The following AVEN variants were observed in gnomAD, a reference collection of about 807,000 sequenced individuals.
AVEN encodes the protein apoptosis and caspase activation inhibitor, also known as cell death regulator Aven.
AVEN carries 41 observed loss-of-function variants against 38.1 expected under a neutral mutation model. The ratio of observed to expected loss-of-function variants is 1.08; its 90% CI spans 0.84 to 1.40. The LOEUF is 1.40. Among genes scored for constraint, AVEN ranks in the 40% most tolerant of loss-of-function variants. The pLI is 0.00. For synonymous variants in AVEN, 206 were observed against 171.8 expected (o/e 1.20, Z -1.56); for missense variants, 605 against 438.8 (o/e 1.38, Z -3.38).
intron 2 of AVEN, chr15:33,991,444 C>T (rs1234454522): frequency 6.6e-6 from 1 of 151,768 alleles, no homozygotes; most frequent in African/African-American, 2.4e-5. Context: ...CATACCTGTA[C>T]CAAAATATCT....
At chr15:33,854,336 A>G, downstream of AVEN, 2 of 1,449,078 alleles carry the variant, frequency 1.4e-6, no homozygotes, top group Middle Eastern at 1.7e-4. Context: ...CTTATTGAGC[A>G]CTTAACTACC....
At chr15:33,855,540 T>G (rs2079562858), downstream of AVEN, among the ~76,000 whole-genome samples, 1 of 152,132 alleles carries the variant, frequency 6.6e-6, no homozygotes, top group African/African-American at 2.4e-5. Flanking sequence ...CCTCCATGAA[T>G]CTGATATATT....
intron 11 of AVEN, chr15:33,860,986 T>TCATTATCCTTCAA: frequency 9.6e-7 from 1 of 1,039,520 alleles, no homozygotes; most frequent in Non-Finnish European, 1.5e-6. Context: ...AAGAAAGTTT[T>TCATTATCCTTCAA]CATTATCCTT....
chr15:33,958,221 TCTC>T (rs998652733), intron 2 of AVEN, among the ~76,000 whole-genome samples: 1 of 152,184 alleles, frequency 6.6e-6, no homozygotes, highest in African/African-American at 2.4e-5. Context: ...AAATCTGTCT[TCTC>T]CTCCTGTTTT....
chr15:34,071,566 G>A (rs1368445833), intron 1 of AVEN, among the ~76,000 whole-genome samples: 2 of 152,132 alleles, frequency 1.3e-5, no homozygotes, highest in African/African-American at 2.4e-5. Context: ...GTGAGGCACC[G>A]TGTCCAGCCA....
chr15:33,974,606 A>G (rs957617055), intron 2 of AVEN, among the ~76,000 whole-genome samples: 6 of 152,230 alleles, frequency 3.9e-5, no homozygotes, highest in African/African-American at 1.4e-4. Context: ...GAAGATGCTC[A>G]GGGTACATGA....
chr15:34,064,350 C>T (rs778577826), intron 4 of AVEN: 8 of 1,576,886 alleles, frequency 5.1e-6, no homozygotes, highest in Non-Finnish European at 6.9e-6. Context: ...GAACAATGAC[C>T]ACAGTCAACA....
chr15:33,932,549 G>A (rs1332793940), intron 2 of AVEN, among the ~76,000 whole-genome samples: 1 of 152,224 alleles, frequency 6.6e-6, no homozygotes. Context: ...GGTCTGGGCT[G>A]GGCGCGGTGG....
At chr15:33,971,844 T>C (rs2140497349) in intron 2 of AVEN, among the ~76,000 whole-genome samples, 1 of 152,246 alleles carries the variant, frequency 6.6e-6, no homozygotes, top group East Asian at 1.9e-4. Context: ...AATAAGGATG[T>C]AGTTCACCAT....
intron 5 of AVEN, among the ~76,000 whole-genome samples, chr15:34,049,322 G>A (rs1449413006): frequency 1.3e-5 from 2 of 152,152 alleles, no homozygotes; most frequent in East Asian, 3.9e-4. Context: ...AACAATGCAG[G>A]AGCTGACAGC....
chr15:34,034,881 T>C (rs1312629629), intron 1 of AVEN, among the ~76,000 whole-genome samples: 1 of 152,190 alleles, frequency 6.6e-6, no homozygotes, highest in Non-Finnish European at 1.5e-5. Flanking sequence ...TGCTTCAGGC[T>C]TTCTGGAAAA....
intron 2 of AVEN, among the ~76,000 whole-genome samples, chr15:33,990,054 A>G (rs1369887184): frequency 1.3e-5 from 2 of 151,812 alleles, no homozygotes; most frequent in Non-Finnish European, 2.9e-5. Flanking sequence ...AATACACAAA[A>G]TTAGCCGGGC....
Position 33,920,513 on chromosome 15 carries a change from A to G in AVEN, c.446-44518T>C, listed in dbSNP as rs185259346. Among the ~76,000 whole-genome samples the G allele has an allele frequency of 8.5e-5, 13 of 152,322 alleles. No individual in the cohort carries two copies. The South Asian group carries it at 2.5e-3, about 29-fold the overall frequency. ...CGGTATTCCTTTTGATAGCAGTCTC[A>G]TTCCTAAATCTGACTTATATCTTAA... On this transcript the variant is annotated intron_variant, in intron 2 of 5. Coordinates refer to ENST00000306730, the MANE Select transcript of AVEN (RefSeq NM_020371.3).
Position 34,064,452 on chromosome 15 carries a change from A to G in AVEN, n.1127-1020T>C, listed in dbSNP as rs183628154. 86 of 1,114,082 alleles carry G rather than the reference A, an allele frequency of 7.7e-5. No individual in the cohort carries two copies. The East Asian group carries it at 1.7e-3, about 22-fold the overall frequency. The allele number at this position is 1,114,082 out of a possible 1,614,324, so 69.0% of individuals were successfully genotyped here. A position where few individuals can be genotyped will look rare whatever the true frequency, so the allele number is the denominator to read the frequency against. On this transcript the variant is annotated intron_variant and non_coding_transcript_variant, in intron 4 of 11. Coordinates refer to the AVEN transcript ENST00000675287. Reference sequence around the variant, plus strand: ...TCCTTGAAGATTTTTGTAAAGGCTCAAGTTTGGTTGCCAAATGGAAGGGGC... The same window carrying G: ...TCCTTGAAGATTTTTGTAAAGGCTCGAGTTTGGTTGCCAAATGGAAGGGGC...
At chr15:34,007,248 A>G (rs963769328) in intron 1 of AVEN, among the ~76,000 whole-genome samples, 1 of 152,224 alleles carries the variant, frequency 6.6e-6, no homozygotes, top group Non-Finnish European at 1.5e-5. Flanking sequence ...CCAATAGGCA[A>G]GGGTCATTTT....
At chr15:33,854,188 T>C (rs1412065816), downstream of AVEN, among the ~76,000 whole-genome samples, 2 of 63,698 alleles carry the variant, frequency 3.1e-5, no homozygotes, top group African/African-American at 9.6e-5. Context: ...AGAGTGAGAC[T>C]CCGTTTCAAA....
chr15:33,954,777 A>G (rs567922708), intron 2 of AVEN, among the ~76,000 whole-genome samples: 1 of 152,306 alleles, frequency 6.6e-6, no homozygotes, highest in South Asian at 2.1e-4. Flanking sequence ...CGTTGTGCAC[A>G]TGTACCCTAG....
upstream of AVEN, among the ~76,000 whole-genome samples, chr15:34,039,403 A>T (rs1412925691): frequency 3.4e-5 from 1 of 29,164 alleles, no homozygotes; most frequent in East Asian, 1.2e-3. Context: ...GTATGATGTG[A>T]ACTCTCGGAA....
At chr15:34,010,158 C>T (rs1281695079) in intron 1 of AVEN, among the ~76,000 whole-genome samples, 3 of 152,052 alleles carry the variant, frequency 2.0e-5, no homozygotes, top group Non-Finnish European at 2.9e-5. Flanking sequence ...ATATGCTTAA[C>T]AGAAACAATA....
Sources: gnomAD v4.1 joint callset for allele counts (sites outside exome capture counted in the v4.1 genomes callset) on GRCh38, gnomAD v4.1.1 for gene constraint, MANE v1.5 for transcripts, NCBI Gene and HGNC (gene_info 2026-07-23, HGNC 2026-07-21) for gene names.